Variants in CAND2 observed in about 807,000 individuals in gnomAD.
CAND2 encodes cullin-associated NEDD8-dissociated protein 2.
CAND2 carries 62 observed loss-of-function variants against 98.9 expected under a neutral mutation model. The observed-to-expected ratio is 0.63, with a 90% CI of 0.51 to 0.77. The LOEUF is 0.77. Ranked by LOEUF, CAND2 falls within the 30% of genes least tolerant of loss-of-function variation. The probability of loss-of-function intolerance (pLI) is 0.00; values close to 1 mark genes in which losing one functional copy is unlikely to be tolerated. For synonymous variants in CAND2, 770 were observed against 731.9 expected, an observed-to-expected ratio of 1.05 and a Z score of -0.84; for missense variants, 1,501 against 1,655.2, an observed-to-expected ratio of 0.91 and a Z score of 1.62.
Position 12,815,925 on chromosome 3 carries a change from G to T in CAND2, c.1358G>T (p.Arg453Leu), listed in dbSNP as rs574811386. ...RQLKDRSVRA[R>L]QGCFSLLTEL... ...CTTAAAGATCGGAGCGTCAGAGCCC[G>T]CCAGGGATGCTTCAGCCTCCTCACC... Residue 453 changes from arginine (R) to leucine (L), a missense_variant, in exon 9 of 15, where the codon CGC (arginine) becomes CTC (leucine). Coordinates refer to ENST00000456430, the MANE Select transcript of CAND2 (RefSeq NM_001162499.2). The surrounding 1 kb of genome is among the most constrained non-coding windows in gnomAD (Gnocchi z 5.7). The T allele has an allele frequency of 2.5e-6, 4 of 1,613,776 alleles. No individual in the cohort carries two copies. Among genetic ancestry groups the T allele is most frequent in the African/African-American group, 1.3e-5 (1 of 75,042 alleles).
intron 1 of CAND2, among the ~76,000 whole-genome samples, chr3:12,801,068 C>G (rs1388851527): frequency 5.1e-5 from 7 of 136,090 alleles, no homozygotes; most frequent in African/African-American, 1.9e-4. Flanking sequence ...GATGGATACT[C>G]GCACTGTTAC....
intron 13 of CAND2, among the ~76,000 whole-genome samples, chr3:12,828,881 C>T (rs1223638065): frequency 6.6e-6 from 1 of 152,198 alleles, no homozygotes; most frequent in Non-Finnish European, 1.5e-5. Context: ...AAGGTTCATC[C>T]ATGTTGCAGC....
chr3:12,833,492 C>G (rs2062072160), intron 14 of CAND2, among the ~76,000 whole-genome samples: 1 of 152,196 alleles, frequency 6.6e-6, no homozygotes, highest in African/African-American at 2.4e-5. Context: ...GCGAGCACTT[C>G]AGATTGGCTG....
At chr3:12,832,266 T>G (rs1180401585) in intron 14 of CAND2, 1 of 152,248 alleles carries the variant, frequency 6.6e-6, no homozygotes, top group Non-Finnish European at 1.5e-5. Flanking sequence ...CATAGAAACC[T>G]GCCTTGTAAG....
Position 12,807,465 on chromosome 3 carries a change from C to A in CAND2, c.367+5C>A. The A allele has an allele frequency of 1.3e-6, 2 of 1,551,170 alleles. No homozygotes were observed. Among genetic ancestry groups the A allele is most frequent in the Non-Finnish European group, 8.7e-7 (1 of 1,146,674 alleles). ...AGCTCCCTCCTGCAGCCACAGGTAC[C>A]CAGGTCCCCAGGACTAGGTACTGTT... On this transcript the variant is annotated splice_donor_5th_base_variant and intron_variant, in intron 3 of 14. Transcript: ENST00000456430.
chr3:12,813,062 C>A lies in CAND2; in HGVS notation c.830C>A (p.Ser277Tyr). ...CNLDDDELRE[S>Y]CLQAFEAFLR... ...CTGGATGATGATGAGCTCCGGGAGT[C>A]CTGCCTCCAGGCTTTTGAGGCCTTC... is the stretch of plus-strand genomic sequence containing the variant. Residue 277 changes from serine (S) to tyrosine (Y), a missense_variant, in exon 6 of 15, where the codon TCC becomes TAC. Ser to Tyr is a moderately radical substitution (Grantham distance 144). Coordinates refer to ENST00000456430, the MANE Select transcript of CAND2 (RefSeq NM_001162499.2). 1 of 1,582,680 alleles carries A rather than the reference C, an allele frequency of 6.3e-7. No individual in the cohort carries two copies.
In CAND2 at chr3:12,817,669, C is replaced by T; in HGVS notation, c.2737C>T (p.Leu913=). 1 of 1,610,832 alleles carries T rather than the reference C, an allele frequency of 6.2e-7. No homozygotes were observed. The highest frequency in any genetic ancestry group is 1.7e-5 in the Admixed American group (1 of 59,810). Reference sequence around the variant, plus strand: ...CGAGGCTGAGCCCCGACGACAGTACCTGCTGCTGCACTCACTCAGGGAGGC... The same window carrying T: ...CGAGGCTGAGCCCCGACGACAGTACTTGCTGCTGCACTCACTCAGGGAGGC... ...QIEAEPRRQY[L]LLHSLREALG... The change falls in exon 10 of 15, where the codon CTG becomes TTG. Residue 913 remains leucine, a synonymous_variant. Transcript: ENST00000456430.
rs755177838 is a variant in CAND2, at chr3:12,817,166, G to A, written c.2234G>A (p.Arg745His). 28 of 1,612,706 alleles carry A rather than the reference G, an allele frequency of 1.7e-5. No individual in the cohort carries two copies. Among genetic ancestry groups the A allele is most frequent in the East Asian group, 8.9e-5 (4 of 44,876 alleles). The stretch of plus-strand genomic sequence containing the variant: ...CTCTCAGAGCTGCTGCGGCTGCTGC[G>A]TTCGCCCCTGTTGCCAGCCGGGGTT... Reference protein sequence around the residue: ...PVLSELLRLLRSPLLPAGVLA... With the variant: ...PVLSELLRLLHSPLLPAGVLA... Residue 745 changes from arginine to histidine, a missense_variant, in exon 10 of 15, where the codon CGT (arginine) becomes CAT (histidine). Coordinates refer to ENST00000456430, the MANE Select transcript of CAND2 (RefSeq NM_001162499.2).
intron 13 of CAND2, among the ~76,000 whole-genome samples, chr3:12,829,344 G>A (rs1409580523): frequency 2.6e-5 from 4 of 151,962 alleles, no homozygotes; most frequent in Admixed American, 6.6e-5. Context: ...ACAGGGTTTC[G>A]CCATGTTGGC....
intron 10 of CAND2, among the ~76,000 whole-genome samples, chr3:12,818,413 C>T (rs1281203238): frequency 6.6e-6 from 1 of 152,270 alleles, no homozygotes; most frequent in African/African-American, 2.4e-5. Context: ...TTTCGGCTAG[C>T]CTGAGCCAAG....
At chr3:12,832,296 CTTATTA>C (rs1024214056) in intron 14 of CAND2, 12 of 152,270 alleles carry the variant, frequency 7.9e-5, no homozygotes, top group South Asian at 2.1e-4. Context: ...TTAACATATG[CTTATTA>C]TTGAGTCCAT....
Position 12,796,792 on chromosome 3 carries a change from C to T in CAND2, c.68+4C>T. On this transcript the variant is annotated splice_donor_region_variant and intron_variant, in intron 1 of 14. Transcript: ENST00000456430. ...CGTCCAGCGACAAGGACTTCAGGTG[C>T]AGCCCGCCGCCGGCCCCCTTCTCTC... 6.3e-7 allele frequency: 1 copy of T among 1,577,162 alleles called. No homozygotes were observed. Among genetic ancestry groups the T allele is most frequent in the Non-Finnish European group, 8.6e-7 (1 of 1,160,358 alleles).
At chr3:12,796,836 G>A (rs2061729440) in intron 1 of CAND2, 48 bp downstream of exon 1, 1 of 1,496,812 alleles carries the variant, frequency 6.7e-7, no homozygotes. Flanking sequence ...TCTGAAGCCG[G>A]GGGCCTTCTT....
chr3:12,799,875 T>C (rs572472309), intron 1 of CAND2, among the ~76,000 whole-genome samples: 1 of 152,276 alleles, frequency 6.6e-6, no homozygotes, highest in Non-Finnish European at 1.5e-5. Flanking sequence ...CAGTCATCCT[T>C]GAGCTGGGAC....
intron 5 of CAND2, among the ~76,000 whole-genome samples, chr3:12,810,921 G>A (rs1334781384): frequency 1.3e-5 from 2 of 152,212 alleles, no homozygotes; most frequent in African/African-American, 2.4e-5. Flanking sequence ...TCTCTGCCTT[G>A]TCCAGGAAGC....
rs2061763336 is a variant in CAND2, at chr3:12,801,104, C to T, written c.69-2384C>T. On this transcript the variant is annotated intron_variant, in intron 1 of 14. Transcript: ENST00000456430. ...CCAGGCTGGAGTGCAGTGGCACGAT[C>T]TCAGCTCACTGCAACCTTTGCCTCC... 2.1e-5 allele frequency among the ~76,000 whole-genome samples: 3 copies of T among 144,536 alleles called. No homozygotes were observed. In the Admixed American group the frequency reaches 2.2e-4, roughly 10 times the overall value. 94.8% of individuals were successfully genotyped at this position (144,536 alleles called of 152,430 possible).
chr3:12,816,406 T>A lies in CAND2; in HGVS notation c.1474T>A (p.Ser492Thr). Residue 492 changes from serine (S) to threonine (T), a missense_variant, in exon 10 of 15, where the codon TCC becomes ACC. Physicochemically the swap from Ser to Thr is moderately conservative, Grantham distance 58. This residue lies in a region of CAND2 where 1,427 missense variants were observed against 1,545.3 expected (regional missense o/e 0.92). Coordinates refer to ENST00000456430, the MANE Select transcript of CAND2 (RefSeq NM_001162499.2). Reference sequence around the variant, plus strand: ...CTTCTCGCTGGCCGACCGCTCCAGCTCCTCCACCATCCGGATGGATGCCCT... The same window carrying A: ...CTTCTCGCTGGCCGACCGCTCCAGCACCTCCACCATCCGGATGGATGCCCT... ...IIFSLADRSS[S>T]STIRMDALAF... 1 of 1,613,486 alleles carries A rather than the reference T, an allele frequency of 6.2e-7. No homozygotes were observed. Among genetic ancestry groups the A allele is most frequent in the Non-Finnish European group, 8.5e-7 (1 of 1,179,868 alleles).
intron 11 of CAND2, among the ~76,000 whole-genome samples, chr3:12,821,871 C>T (rs77695706): frequency 0.033 from 5,047 of 152,162 alleles, 144 homozygotes; most frequent in Non-Finnish European, 0.045. Context: ...CTTTGATCAC[C>T]CAGTTCAGGT....
intron 5 of CAND2, among the ~76,000 whole-genome samples, chr3:12,810,616 A>T (rs994813793): frequency 1.3e-5 from 2 of 152,216 alleles, no homozygotes; most frequent in African/African-American, 4.8e-5. Context: ...CTGAGTGCAG[A>T]CGGTTCAGAG....
Sources: allele counts gnomAD v4.1 joint callset (sites outside exome capture counted in the v4.1 genomes callset), GRCh38; gene constraint gnomAD v4.1.1; regional missense constraint gnomAD v4.1.1; non-coding constraint Gnocchi (gnomAD v3.1); transcripts MANE v1.5; gene names NCBI Gene and HGNC (gene_info 2026-07-23, HGNC 2026-07-21).